CFAP91: variants seen among roughly 807,000 people sequenced by gnomAD.
The protein encoded by CFAP91 is cilia and flagella associated protein 91, also known as cilia- and flagella-associated protein 91.
In CFAP91, 85 loss-of-function variants were observed where a neutral mutation model predicts 95.9. The observed-to-expected ratio is 0.89, with a 90% CI of 0.74 to 1.06. CFAP91 has a LOEUF of 1.06. Ranked by LOEUF, CFAP91 falls within the 50% of genes least tolerant of loss-of-function variation. The pLI is 0.00. For synonymous variants in CFAP91, 335 were observed against 327.5 expected, an observed-to-expected ratio of 1.02 and a Z score of -0.25; for missense variants, 962 against 943.4, an observed-to-expected ratio of 1.02 and a Z score of -0.26.
At position 119,705,157 on chromosome 3, in the gene CFAP91, G is replaced by A. The variant is rs150567989; in HGVS notation, c.125-1652G>A. On this transcript the variant is annotated intron_variant, in intron 1 of 17. Transcript: ENST00000273390. ...TTACTATGATAGGGACTAGGGTGGCGTGCTTCTTGACTAATTAGCCCTAAA... is the reference window on the plus strand; with the variant it reads ...TTACTATGATAGGGACTAGGGTGGCATGCTTCTTGACTAATTAGCCCTAAA... Among the ~76,000 whole-genome samples, 35 of 151,886 alleles carry A rather than the reference G, an allele frequency of 2.3e-4. 1 individual carries two copies. The highest frequency in any genetic ancestry group is 3.4e-3 in the Middle Eastern group (1 of 294).
intron 17 of CFAP91, among the ~76,000 whole-genome samples, chr3:119,757,118 C>T (rs2054446031): frequency 1.3e-5 from 2 of 152,022 alleles, no homozygotes; most frequent in Non-Finnish European, 2.9e-5. Flanking sequence ...TCAAAGAAAA[C>T]TTTAAGGCAG....
chr3:119,749,259 A>C (rs181244597), intron 16 of CFAP91: 1 of 152,330 alleles, frequency 6.6e-6, no homozygotes, highest in African/African-American at 2.4e-5. Context: ...GCAGTGGCTG[A>C]AGTCTGTAAT....
At chr3:119,703,326 C>G (rs1189721722) in intron 1 of CFAP91, 104 bp downstream of exon 1, 2 of 1,519,658 alleles carry the variant, frequency 1.3e-6, no homozygotes, top group Non-Finnish European at 8.9e-7. Flanking sequence ...AAACACGACC[C>G]TCTGGACTGA....
intron 6 of CFAP91, among the ~76,000 whole-genome samples, chr3:119,725,441 T>A (rs1283733883): frequency 6.6e-6 from 1 of 152,220 alleles, no homozygotes; most frequent in African/African-American, 2.4e-5. Flanking sequence ...TAGTGATTAG[T>A]GTCTTCATTT....
Position 119,758,213 on chromosome 3 carries a change from C to T in CFAP91, c.*2-6839C>T, listed in dbSNP as rs74728797. Among the ~76,000 whole-genome samples the T allele has an allele frequency of 5.6e-3, 848 of 152,236 alleles. 7 individuals carry two copies. Among genetic ancestry groups the T allele is most frequent in the African/African-American group, 0.019 (792 of 41,540 alleles). On this transcript the variant is annotated intron_variant, in intron 17 of 17. Transcript: ENST00000273390. ...GATTTTTCTAAGTAAGAACACCATC[C>T]TCAGCTACTGTTACAGAACACTGAA... is the stretch of plus-strand genomic sequence containing the variant.
chr3:119,729,083 C>T lies in CFAP91; in HGVS notation c.861-1137C>T, dbSNP rs569688109. ...GCAGGAGTAAAATGTATGTTCAAAT[C>T]TCTGTTTTAGGAAGGAAAACCTTGA... is the stretch of plus-strand genomic sequence containing the variant. On this transcript the variant is annotated intron_variant, in intron 7 of 17. Transcript: ENST00000273390. 2.1e-4 allele frequency among the ~76,000 whole-genome samples: 32 copies of T among 152,226 alleles called. 1 individual carries two copies. Among genetic ancestry groups the T allele is most frequent in the African/African-American group, 7.7e-4 (32 of 41,540 alleles).
At chr3:119,703,579 C>T (rs2053301029) in intron 1 of CFAP91, among the ~76,000 whole-genome samples, 1 of 152,240 alleles carries the variant, frequency 6.6e-6, no homozygotes, top group African/African-American at 2.4e-5. Context: ...GATCTTTTCT[C>T]TCCAACTCTC....
chr3:119,711,177 G>A (rs2053465689), intron 5 of CFAP91, among the ~76,000 whole-genome samples: 3 of 152,168 alleles, frequency 2.0e-5, no homozygotes, highest in Non-Finnish European at 4.4e-5. Flanking sequence ...TGCTAGTTAT[G>A]ACTCTACTTC....
chr3:119,732,154 T>G, intron 8 of CFAP91, 140 bp from the exon 9 acceptor site: 2 of 609,500 alleles, frequency 3.3e-6, no homozygotes, highest in Non-Finnish European at 5.5e-6. Context: ...TAATGTTACA[T>G]TCTGGCTGTC....
At position 119,717,307 on chromosome 3, in the gene CFAP91, A is replaced by G. The variant is rs576717507; in HGVS notation, c.682+1564A>G. 2.0e-5 allele frequency among the ~76,000 whole-genome samples: 3 copies of G among 152,332 alleles called. No individual in the cohort carries two copies. In the South Asian group the frequency reaches 6.2e-4, roughly 32 times the overall value. ...ATAAGGACTTGGCGTTAAACTGCAGAAGGACAAGAGCCAGGCAGAGGCTCA... is the reference window on the plus strand; with the variant it reads ...ATAAGGACTTGGCGTTAAACTGCAGGAGGACAAGAGCCAGGCAGAGGCTCA... On this transcript the variant is annotated intron_variant, in intron 6 of 17. Coordinates refer to ENST00000273390, the MANE Select transcript of CFAP91 (RefSeq NM_033364.4).
In CFAP91 at chr3:119,750,952, G is replaced by A. The variant is rs746644610; in HGVS notation, c.2159G>A (p.Arg720Gln). The change falls in exon 17 of 18, where the codon CGG becomes CAG. Residue 720 changes from arginine to glutamine, a missense_variant. By Grantham distance (43) the Arg-to-Gln change is conservative. Transcript: ENST00000273390. The stretch of plus-strand genomic sequence containing the variant: ...TTTGGCACAGTGAGGAACGCACAGC[G>A]GAAACATATTCTTGCAGCCCATCAG... ...FVKEKVRNAQ[R>Q]KHILAAHQII... The A allele has an allele frequency of 4.0e-5, 65 of 1,613,812 alleles. No individual in the cohort carries two copies. In the East Asian group the frequency reaches 4.2e-4, roughly 11 times the overall value.
chr3:119,708,850 T>A (rs1294233035), intron 4 of CFAP91, among the ~76,000 whole-genome samples, 176 bp downstream of exon 4: 1 of 152,216 alleles, frequency 6.6e-6, no homozygotes, highest in African/African-American at 2.4e-5. Context: ...ATATATATGA[T>A]CCCTGTTTTA....
intron 16 of CFAP91, 85 bp downstream of exon 16, chr3:119,747,987 G>A: frequency 1.9e-6 from 2 of 1,040,834 alleles, no homozygotes; most frequent in Non-Finnish European, 1.4e-6. Context: ...ATTAAACAGA[G>A]GGATGAGGAA....
In CFAP91 at chr3:119,715,748, G is replaced by A. The variant is rs1195527000; in HGVS notation, c.682+5G>A. The stretch of plus-strand genomic sequence containing the variant: ...CCCTGGCTACGCTTACTTGGGGTGA[G>A]TTGGTAAATCTCCTGACTATTGGCA... On this transcript the variant is annotated splice_donor_5th_base_variant and intron_variant, in intron 6 of 17. Transcript: ENST00000273390. 1 of 1,613,222 alleles carries A rather than the reference G, an allele frequency of 6.2e-7. No individual in the cohort carries two copies. The highest frequency in any genetic ancestry group is 2.2e-5 in the East Asian group (1 of 44,870).
Position 119,751,018 on chromosome 3 carries a change from T to A in CFAP91, c.2225T>A (p.Leu742Ter). 3 of 1,613,840 alleles carry A rather than the reference T, an allele frequency of 1.9e-6. No homozygotes were observed. The highest frequency in any genetic ancestry group is 2.2e-5 in the South Asian group (2 of 91,024). Residue 742 changes from leucine (L) to a stop codon, truncating the protein, a stop_gained, in exon 17 of 18, where the codon TTA becomes TAA. Transcript: ENST00000273390. LOFTEE classifies it high-confidence loss of function. ...SYTESMVQKKLTEGEQDEASN... is the reference protein window; with the variant it reads ...SYTESMVQKK ...ACGGAAAGCATGGTTCAAAAGAAAT[T>A]AACTGAGGGAGAGCAAGATGAGGCC...
chr3:119,738,858 T>G (rs2054062828), intron 11 of CFAP91, among the ~76,000 whole-genome samples: 2 of 152,212 alleles, frequency 1.3e-5, no homozygotes, highest in Admixed American at 1.3e-4. Flanking sequence ...AGTACCTTAC[T>G]CTGACATAGA....
intron 12 of CFAP91, 108 bp from the exon 13 acceptor site, chr3:119,740,441 C>A: frequency 7.7e-7 from 1 of 1,301,544 alleles, no homozygotes; most frequent in Non-Finnish European, 1.1e-6. Flanking sequence ...AAAGGCAGGA[C>A]AGAACCCACT....
At chr3:119,751,932 T>TA (rs2054333115) in intron 17 of CFAP91, among the ~76,000 whole-genome samples, 1 of 152,212 alleles carries the variant, frequency 6.6e-6, no homozygotes, top group Non-Finnish European at 1.5e-5. Context: ...CTATTAGGTA[T>TA]ACATTCCTCC....
intron 17 of CFAP91, among the ~76,000 whole-genome samples, chr3:119,751,882 A>G (rs1038540854): frequency 6.6e-6 from 1 of 152,198 alleles, no homozygotes; most frequent in Admixed American, 6.5e-5. Flanking sequence ...GCCCAGCTAC[A>G]AAAGTCAACA....
Sources: allele counts gnomAD v4.1 joint callset (sites outside exome capture counted in the v4.1 genomes callset), GRCh38; gene constraint gnomAD v4.1.1; transcripts MANE v1.5; gene names NCBI Gene and HGNC (gene_info 2026-07-23, HGNC 2026-07-21).